The following MYBPC1 variants were observed in gnomAD, a reference collection of about 807,000 sequenced individuals.
MYBPC1 encodes the protein myosin-binding protein C, slow-type.
Under a neutral mutation model 147.1 loss-of-function variants are expected in MYBPC1, and 52 were observed. The observed-to-expected ratio is 0.35, with a 90% CI of 0.28 to 0.45. The LOEUF is 0.45. MYBPC1 is among the 20% of genes least tolerant of loss of function. The pLI is 1.00. For missense variants in MYBPC1, 1,228 were observed against 1,440.3 expected (o/e 0.85, Z 2.39); for synonymous variants, 477 against 475.9 (o/e 1.00, Z -0.03).
intron 24 of MYBPC1, among the ~76,000 whole-genome samples, chr12:101,670,979 A>T (rs1372143693): frequency 5.3e-5 from 5 of 94,524 alleles, no homozygotes; most frequent in Non-Finnish European, 1.4e-4. Context: ...TTTTGGTCTT[A>T]TACAAATACA....
intron 15 of MYBPC1, 93 bp from the exon 16 acceptor site, chr12:101,651,138 G>A (rs1363496361): frequency 4.5e-6 from 6 of 1,324,870 alleles, no homozygotes; most frequent in African/African-American, 4.4e-5. Context: ...AACAAACATT[G>A]TAGTAGAGCT....
At chr12:101,662,983 TAAATGTTA>T (rs1896827819) in intron 21 of MYBPC1, among the ~76,000 whole-genome samples, 1 of 152,154 alleles carries the variant, frequency 6.6e-6, no homozygotes, top group Non-Finnish European at 1.5e-5. Context: ...GGTCACACCT[TAAATGTTA>T]TCTATTAAAT....
intron 24 of MYBPC1, among the ~76,000 whole-genome samples, chr12:101,671,331 A>ACACT (rs1555252602): frequency 0.099 from 11,593 of 116,886 alleles, 581 homozygotes; most frequent in African/African-American, 0.16. Context: ...ACACACACAC[A>ACACT]CACACACTCA....
rs1017299804 is a variant in MYBPC1, at chr12:101,627,802, C to T, written c.176C>T (p.Ser59Leu). ...LGSRALERKD[S>L]DWTLVETPPG... is the part of the protein sequence containing the mutation. ...AGTCGGGCCCTGGAGAGAAAAGATT[C>T]AGGTGAGCGCAAGCCCAGAGAAGGC... is the stretch of plus-strand genomic sequence containing the variant. The change falls in exon 5 of 32, where the codon TCA becomes TTA. Residue 59 changes from serine (S) to leucine (L), a missense_variant and splice_region_variant. Physicochemically the swap from Ser to Leu is moderately radical, Grantham distance 145. This residue lies in a region of MYBPC1 where 151 missense variants were observed against 126.1 expected (regional missense o/e 1.20). Transcript: ENST00000361466. 2.5e-6 allele frequency: 4 copies of T among 1,613,610 alleles called. No homozygotes were observed. The Admixed American group carries it at 6.7e-5, about 27-fold the overall frequency.
intron 1 of MYBPC1, among the ~76,000 whole-genome samples, chr12:101,612,085 A>G (rs370309971): frequency 7.3e-4 from 89 of 121,610 alleles, no homozygotes; most frequent in African/African-American, 3.0e-3. Flanking sequence ...CAAAAAAAAA[A>G]GAAAAAAAAA....
chr12:101,684,346 G>C, intron 30 of MYBPC1, 36 bp from the exon 31 acceptor site: 3 of 1,522,732 alleles, frequency 2.0e-6, no homozygotes, highest in South Asian at 2.2e-5. Context: ...TAATGCTTAC[G>C]ACTTCTCTCT....
At chr12:101,603,877 G>C (rs1364271335) in intron 1 of MYBPC1, among the ~76,000 whole-genome samples, 2 of 152,188 alleles carry the variant, frequency 1.3e-5, no homozygotes, top group African/African-American at 2.4e-5. Flanking sequence ...GCTGCAATGA[G>C]CCATGATCAT....
chr12:101,611,166 TCC>T (rs1433584389), intron 1 of MYBPC1, among the ~76,000 whole-genome samples: 1 of 152,220 alleles, frequency 6.6e-6, no homozygotes, highest in African/African-American at 2.4e-5. Context: ...CTATTTCTAC[TCC>T]CTGCAACCAT....
intron 22 of MYBPC1, chr12:101,664,410 G>A (rs1193134454): frequency 6.6e-6 from 1 of 152,134 alleles, no homozygotes; most frequent in African/African-American, 2.4e-5. Context: ...CAGGAAACTT[G>A]TTCAAATTCC....
intron 2 of MYBPC1, among the ~76,000 whole-genome samples, chr12:101,616,229 A>T (rs1886026627): frequency 6.7e-6 from 1 of 149,522 alleles, no homozygotes; most frequent in Non-Finnish European, 1.5e-5. Flanking sequence ...TAGATGTGTG[A>T]CATTCTTCTT....
intron 8 of MYBPC1, among the ~76,000 whole-genome samples, chr12:101,633,765 G>A (rs1222086313): frequency 1.3e-5 from 2 of 152,028 alleles, no homozygotes; most frequent in Non-Finnish European, 2.9e-5. Context: ...CCCACTGAGA[G>A]TGATGTCAAG....
At chr12:101,646,663 T>C in intron 12 of MYBPC1, 100 bp from the exon 13 acceptor site, 3 of 1,393,364 alleles carry the variant, frequency 2.2e-6, no homozygotes, top group Non-Finnish European at 3.0e-6. Flanking sequence ...GATCCTTGAC[T>C]TTCAAACACT....
At chr12:101,648,203 C>T in intron 14 of MYBPC1, 53 bp downstream of exon 14, 1 of 1,314,174 alleles carries the variant, frequency 7.6e-7, no homozygotes, top group South Asian at 1.2e-5. Context: ...AAAATTGGAC[C>T]TTCATAGTTG....
chr12:101,675,295 G>A lies in MYBPC1; in HGVS notation c.2813G>A (p.Arg938His), dbSNP rs147750689. The A allele has an allele frequency of 1.1e-5, 17 of 1,613,924 alleles. No homozygotes were observed. Among genetic ancestry groups the A allele is most frequent in the African/African-American group, 4.0e-5 (3 of 74,926 alleles). The change falls in exon 26 of 32, where the codon CGT (arginine) becomes CAT (histidine). Residue 938 changes from arginine (R) to histidine (H), a missense_variant. By Grantham distance (29) the Arg-to-His change is conservative. Coordinates refer to ENST00000361466, the MANE Select transcript of MYBPC1 (RefSeq NM_002465.4). ...TASIDIQIIDRPGPPQIVKIE... is the reference protein window; with the variant it reads ...TASIDIQIIDHPGPPQIVKIE... The stretch of plus-strand genomic sequence containing the variant: ...ACACCATGAATTCATCCTGTAGACC[G>A]TCCAGGTCCACCCCAAATTGTGAAG...
the MYBPC1 span, among the ~76,000 whole-genome samples, chr12:101,694,375 C>T: frequency 6.6e-6 from 1 of 152,178 alleles, no homozygotes; most frequent in Non-Finnish European, 1.5e-5. Flanking sequence ...CTATGGCCTG[C>T]TGTTATGGAC....
chr12:101,639,503 T>C (rs189183787), intron 10 of MYBPC1, among the ~76,000 whole-genome samples: 2 of 152,282 alleles, frequency 1.3e-5, no homozygotes, highest in East Asian at 3.9e-4. Flanking sequence ...GAGATACAAT[T>C]AAGTAATGGA....
At chr12:101,667,606 A>T (rs1897728232) in intron 22 of MYBPC1, 126 bp from the exon 23 acceptor site, 2 of 1,151,660 alleles carry the variant, frequency 1.7e-6, no homozygotes, top group Admixed American at 2.0e-5. Flanking sequence ...GACCAAAGTC[A>T]TAATGTCTCT....
chr12:101,633,450 A>C (rs1365192124), intron 8 of MYBPC1, among the ~76,000 whole-genome samples: 1 of 152,092 alleles, frequency 6.6e-6, no homozygotes, highest in Non-Finnish European at 1.5e-5. Flanking sequence ...GCACTTTGGG[A>C]GGCCGGGGCG....
At chr12:101,612,721 G>A (rs959772354) in intron 1 of MYBPC1, among the ~76,000 whole-genome samples, 1 of 152,230 alleles carries the variant, frequency 6.6e-6, no homozygotes, top group African/African-American at 2.4e-5. Context: ...CTGAAAGATA[G>A]CGTGTCAAAG....
Sources: gnomAD v4.1 joint callset for allele counts (sites outside exome capture counted in the v4.1 genomes callset) on GRCh38, gnomAD v4.1.1 for gene constraint, gnomAD v4.1.1 regional missense constraint, MANE v1.5 for transcripts, NCBI Gene and HGNC (gene_info 2026-07-23, HGNC 2026-07-21) for gene names.